Variants in ZNF648 observed in about 807,000 individuals in gnomAD.
The protein encoded by ZNF648 is zinc finger protein 648.
ZNF648 carries 1 observed loss-of-function variant against 0.3 expected under a neutral mutation model. The ratio of observed to expected loss-of-function variants is 3.90; its 90% confidence interval spans 1.39 to 18.51. The LOEUF (loss-of-function observed/expected upper bound fraction) is 18.51. ZNF648 is among the 30% of genes most tolerant of loss of function. The pLI, the probability that ZNF648 is intolerant of heterozygous loss-of-function variation, is 0.11. For synonymous variants in ZNF648, 376 were observed against 326.8 expected, an observed-to-expected ratio of 1.15 and a Z score of -1.62; for missense variants, 874 against 769.7, an observed-to-expected ratio of 1.14 and a Z score of -1.60.
At chr1:182,060,022 T>C (rs1264665847) in intron 1 of ZNF648, among the ~76,000 whole-genome samples, 1 of 152,198 alleles carries the variant, frequency 6.6e-6, no homozygotes, top group African/African-American at 2.4e-5. Flanking sequence ...GGGGCTGGGC[T>C]CTGCCCAAGA....
In ZNF648 at chr1:182,056,800, G is replaced by T; in HGVS notation, c.1211C>A (p.Ala404Asp). 1 of 1,546,140 alleles carries T rather than the reference G, an allele frequency of 6.5e-7. No homozygotes were observed. The highest frequency in any genetic ancestry group is 8.7e-7 in the Non-Finnish European group (1 of 1,146,758). ...GCGCTGGTGCTCCACCATGCGGCTG[G>T]CCACAGCGAACTCCCGGTCGCAGGC... The part of the protein sequence containing the change: ...CPACDREFAV[A>D]SRMVEHQRVH... The change falls in exon 2 of 2, where the codon GCC (alanine) becomes GAC (aspartate). Residue 404 changes from alanine to aspartate, a missense_variant. Coordinates refer to ENST00000339948, the MANE Select transcript of ZNF648 (RefSeq NM_001009992.1).
rs748227659 is a variant in ZNF648 at position 182,056,700 on chromosome 1, C to T, written c.1311G>A (p.Glu437=). The change falls in exon 2 of 2, where the codon GAG becomes GAA. Residue 437 remains glutamate (E), a synonymous_variant. Coordinates refer to ENST00000339948, the MANE Select transcript of ZNF648 (RefSeq NM_001009992.1). ...KCFTKSSNLS[E]HQTLHTGQRP... ...TCTGGCCGGTGTGCAGCGTCTGGTG[C>T]TCGGACAGATTGGAGGACTTGGTGA... 16 of 1,598,614 alleles carry T rather than the reference C, an allele frequency of 1.0e-5. No homozygotes were observed. The highest frequency in any genetic ancestry group is 1.4e-5 in the Non-Finnish European group (16 of 1,172,648).
chr1:182,057,196 C>A lies in ZNF648; in HGVS notation c.815G>T (p.Arg272Leu), dbSNP rs747278263. 5.7e-6 allele frequency: 9 copies of A among 1,574,252 alleles called. No individual in the cohort carries two copies. In the South Asian group the frequency reaches 1.0e-4, roughly 18 times the overall value. ...PSKPLSPAETRGGAAKRYACE... is the reference protein window; with the variant it reads ...PSKPLSPAETLGGAAKRYACE... ...CGCGTAGCGCTTGGCGGCGCCGCCG[C>A]GCGTCTCCGCGGGGCTCAGCGGCTT... Residue 272 changes from arginine (R) to leucine (L), a missense_variant, in exon 2 of 2, where the codon CGC becomes CTC. Physicochemically the swap from Arg to Leu is moderately radical, Grantham distance 102 (BLOSUM62 -2). Transcript: ENST00000339948.
chr1:182,058,247 C>T (rs935571025), intron 1 of ZNF648, among the ~76,000 whole-genome samples, 174 bp from the exon 2 acceptor site: 1 of 152,152 alleles, frequency 6.6e-6, no homozygotes, highest in Non-Finnish European at 1.5e-5. Flanking sequence ...TCCAGTCATC[C>T]TATTCCCTCT....
At chr1:182,066,030 ATCTGTGTCAT>A (rs1191006109), upstream of ZNF648, among the ~76,000 whole-genome samples, 1 of 152,208 alleles carries the variant, frequency 6.6e-6, no homozygotes, top group Non-Finnish European at 1.5e-5. Context: ...AACTTCTGAA[ATCTGTGTCAT>A]TCTGCCCAGT....
At position 182,057,730 on chromosome 1, in the gene ZNF648, G is replaced by A; in HGVS notation, c.281C>T (p.Pro94Leu). 6.2e-7 allele frequency: 1 copy of A among 1,614,174 alleles called. No homozygotes were observed. The stretch of plus-strand genomic sequence containing the variant: ...ACTGGCTTTCCCAGACATTTCCACT[G>A]GTTTCTGCCCCATGCCCCCAGCACT... Reference protein sequence around the residue: ...SSSAGGMGQKPVEMSGKASWS... With the variant: ...SSSAGGMGQKLVEMSGKASWS... Residue 94 changes from proline to leucine, a missense_variant, in exon 2 of 2, where the codon CCA becomes CTA. Physicochemically the swap from Pro to Leu is moderately conservative, Grantham distance 98. Coordinates refer to ENST00000339948, the MANE Select transcript of ZNF648 (RefSeq NM_001009992.1).
chr1:182,057,029 T>C lies in ZNF648; in HGVS notation c.982A>G (p.Thr328Ala), dbSNP rs769736191. Residue 328 changes from threonine to alanine, a missense_variant, in exon 2 of 2, where the codon ACC becomes GCC. Coordinates refer to ENST00000339948, the MANE Select transcript of ZNF648 (RefSeq NM_001009992.1). The stretch of plus-strand genomic sequence containing the variant: ...GGGTAGGGTTTCTCGCCTGTGTGGG[T>C]GCGGATGTGCTTCCGGTGGTCGGAG... Reference protein sequence around the residue: ...WSSDHRKHIRTHTGEKPYPCP... With the variant: ...WSSDHRKHIRAHTGEKPYPCP... 1.7e-5 allele frequency: 28 copies of C among 1,611,890 alleles called. No homozygotes were observed. Among genetic ancestry groups the C allele is most frequent in the African/African-American group, 2.7e-5 (2 of 74,256 alleles).
Position 182,057,140 on chromosome 1 carries a change from G to T in ZNF648, c.871C>A (p.Arg291Ser), listed in dbSNP as rs778628668. 1.9e-6 allele frequency: 3 copies of T among 1,603,760 alleles called. No homozygotes were observed. The South Asian group carries it at 3.3e-5, about 18-fold the overall frequency. Reference protein sequence around the residue: ...CELCGKAYSHRGTLQQHRRLH... With the variant: ...CELCGKAYSHSGTLQQHRRLH... The stretch of plus-strand genomic sequence containing the variant: ...CGCCTGTGCTGCTGGAGTGTGCCGC[G>T]GTGGGAGTAGGCCTTCCCGCATAGC... Residue 291 changes from arginine (R) to serine (S), a missense_variant, in exon 2 of 2, where the codon CGC becomes AGC. Physicochemically the swap from Arg to Ser is moderately radical, Grantham distance 110. Coordinates refer to ENST00000339948, the MANE Select transcript of ZNF648 (RefSeq NM_001009992.1).
chr1:182,056,639 C>G lies in ZNF648; in HGVS notation c.1372G>C (p.Ala458Pro), dbSNP rs910726353. Residue 458 changes from alanine (A) to proline (P), a missense_variant, in exon 2 of 2, where the codon GCG becomes CCG. Transcript: ENST00000339948. ...FKCADCGVAF[A>P]QPSRLVRHQR... ...TGGCGCACGAGGCGCGAGGGCTGCG[C>G]GAAGGCCACGCCGCAGTCAGCGCAC... The G allele has an allele frequency of 1.2e-5, 19 of 1,610,312 alleles. No homozygotes were observed. Among genetic ancestry groups the G allele is most frequent in the Admixed American group, 1.7e-5 (1 of 59,494 alleles).
Position 182,056,117 on chromosome 1 carries a change from T to A in ZNF648, c.*187A>T. 3 of 736,326 alleles carry A rather than the reference T, an allele frequency of 4.1e-6. No individual in the cohort carries two copies. Among genetic ancestry groups the A allele is most frequent in the Non-Finnish European group, 6.5e-6 (3 of 464,790 alleles). The allele number at this position is 736,326 out of a possible 1,614,324, so 45.6% of individuals were successfully genotyped here. ...GACCTCGGACACTCAGAACCACTGA[T>A]GTGAAACCACCCACCTGGGTGCTCT... is the stretch of plus-strand genomic sequence containing the variant. On this transcript the variant is annotated 3_prime_UTR_variant, in exon 2 of 2. Transcript: ENST00000339948.
upstream of ZNF648, chr1:182,064,224 C>T (rs1666068458): frequency 6.6e-6 from 1 of 152,180 alleles, no homozygotes; most frequent in Non-Finnish European, 1.5e-5. Context: ...ATAGTTTTTT[C>T]TAATTCTGTG....
Position 182,057,749 on chromosome 1 carries a change from C to T in ZNF648, c.262G>A (p.Gly88Arg). The T allele has an allele frequency of 6.2e-7, 1 of 1,614,232 alleles. No homozygotes were observed. The highest frequency in any genetic ancestry group is 8.5e-7 in the Non-Finnish European group (1 of 1,180,034). The change falls in exon 2 of 2, where the codon GGG becomes AGG. Residue 88 changes from glycine (G) to arginine (R), a missense_variant. Gly to Arg is a moderately radical substitution (Grantham distance 125). Transcript: ENST00000339948. ...TCCACTGGTTTCTGCCCCATGCCCC[C>T]AGCACTGGAGGAGTCAGAGAATTTC... ...EEKFSDSSSA[G>R]GMGQKPVEMS... is the part of the protein sequence containing the mutation.
chr1:182,069,430 C>T, the ZNF648 span, among the ~76,000 whole-genome samples: 611 of 152,308 alleles, frequency 4.0e-3, 13 homozygotes, highest in East Asian at 0.029. Context: ...CAGAGAGGAC[C>T]TCTCTTCATA....
upstream of ZNF648, chr1:182,064,223 T>G (rs1427882914): frequency 6.6e-6 from 1 of 152,234 alleles, no homozygotes; most frequent in Non-Finnish European, 1.5e-5. Flanking sequence ...AATAGTTTTT[T>G]CTAATTCTGT....
chr1:182,056,853 G>A lies in ZNF648; in HGVS notation c.1158C>T (p.His386=). The A allele has an allele frequency of 1.3e-6, 2 of 1,561,962 alleles. No homozygotes were observed. The highest frequency in any genetic ancestry group is 8.7e-7 in the Non-Finnish European group (1 of 1,153,240). ...PLSLLRHQRT[H]LGAKPFRCPA... ...GGCAGCGGAAGGGCTTGGCGCCCAG[G>A]TGCGTGCGCTGGTGGCGCAGCAGCG... The change falls in exon 2 of 2, where the codon CAC becomes CAT. Residue 386 remains histidine (H), a synonymous_variant. Transcript: ENST00000339948.
At chr1:182,061,132 C>T (rs966642173) in intron 1 of ZNF648, among the ~76,000 whole-genome samples, 8 of 152,302 alleles carry the variant, frequency 5.3e-5, no homozygotes, top group East Asian at 1.9e-4. Flanking sequence ...CGCTGCCACA[C>T]GCATGCTCTC....
chr1:182,057,375 C>T lies in ZNF648; in HGVS notation c.636G>A (p.Ala212=), dbSNP rs975678210. 1.9e-6 allele frequency: 3 copies of T among 1,612,602 alleles called. No individual in the cohort carries two copies. The Admixed American group carries it at 5.0e-5, about 27-fold the overall frequency. ...CAGCCAGGCTGGCTGGGGTGGCCGA[C>T]GCCTGGGCTGGTGTATGTGTCTCTT... is the stretch of plus-strand genomic sequence containing the variant. ...PTQETHTPAQ[A]SATPASLAAA... is the part of the protein sequence containing the mutation. Residue 212 remains alanine (A), a synonymous_variant, in exon 2 of 2, where the codon GCG becomes GCA. Transcript: ENST00000339948.
chr1:182,057,082 G>C lies in ZNF648; in HGVS notation c.929C>G (p.Ser310Cys), dbSNP rs971790794. The C allele has an allele frequency of 1.9e-6, 3 of 1,612,438 alleles. No homozygotes were observed. The highest frequency in any genetic ancestry group is 2.7e-5 in the African/African-American group (2 of 74,886). The change falls in exon 2 of 2, where the codon TCC becomes TGC. Residue 310 changes from serine (S) to cysteine (C), a missense_variant. Coordinates refer to ENST00000339948, the MANE Select transcript of ZNF648 (RefSeq NM_001009992.1). ...CCAGGTGTAGGCCTTGTCGCAGAAG[G>C]AGCACTGGTAGGGCCGCTCGCCCGT... The part of the protein sequence containing the change: ...LHTGERPYQC[S>C]FCDKAYTWSS...
rs757239006 is a variant in ZNF648 at position 182,056,514 on chromosome 1, G to C, written c.1497C>G (p.Ser499=). 2 of 1,614,042 alleles carry C rather than the reference G, an allele frequency of 1.2e-6. No homozygotes were observed. The highest frequency in any genetic ancestry group is 2.2e-5 in the South Asian group (2 of 90,998). Residue 499 remains serine (S), a synonymous_variant, in exon 2 of 2, where the codon TCC becomes TCG. Transcript: ENST00000339948. The stretch of plus-strand genomic sequence containing the variant: ...CGGCACAGAGGAATCCCTTCTCCCC[G>C]GAGTGGATCTGTTGGTGCCGCTTCA... ...STLKRHQQIH[S]GEKGFLCAEC...
Sources: allele counts gnomAD v4.1 joint callset (sites outside exome capture counted in the v4.1 genomes callset), GRCh38; gene constraint gnomAD v4.1.1; transcripts MANE v1.5; gene names NCBI Gene and HGNC (gene_info 2026-07-23, HGNC 2026-07-21).